Variants in ZNF469 observed in about 807,000 individuals in gnomAD.
The protein encoded by ZNF469 is zinc finger protein 469.
Under a neutral mutation model 1.0 loss-of-function variants are expected in ZNF469, and 1 was observed. The ratio of observed to expected loss-of-function variants is 1.00; its 90% CI spans 0.35 to 4.73. ZNF469 has a LOEUF of 4.73. Ranked by LOEUF, ZNF469 falls within the 30% of genes most tolerant of loss-of-function variation. ZNF469 has a pLI of 0.16. For synonymous variants in ZNF469, 2,703 were observed against 2,363.4 expected (o/e 1.14, Z -4.17); for missense variants, 6,100 against 5,356.3 (o/e 1.14, Z -4.33).
chr16:88,258,765 C>G, the ZNF469 span, among the ~76,000 whole-genome samples: 2 of 152,188 alleles, frequency 1.3e-5, no homozygotes, highest in East Asian at 1.9e-4. Context: ...GCAGCCCCAG[C>G]CTCATGGAAC....
At chr16:88,291,859 C>T in the ZNF469 span, among the ~76,000 whole-genome samples, 2 of 152,172 alleles carry the variant, frequency 1.3e-5, no homozygotes, top group Admixed American at 6.5e-5. Flanking sequence ...GGTCCGTCCT[C>T]CCTGGCGAGC....
chr16:88,273,360 G>A, the ZNF469 span, among the ~76,000 whole-genome samples: 1 of 151,596 alleles, frequency 6.6e-6, no homozygotes, highest in African/African-American at 2.4e-5. Context: ...TTTTTATATA[G>A]AACTTATTTT....
At chr16:88,354,016 C>G in the ZNF469 span, among the ~76,000 whole-genome samples, 1 of 152,322 alleles carries the variant, frequency 6.6e-6, no homozygotes, top group East Asian at 1.9e-4. Context: ...GTGGCTGCCC[C>G]AGCTGGAATG....
the ZNF469 span, among the ~76,000 whole-genome samples, chr16:88,272,678 A>G: frequency 7.8e-4 from 105 of 134,302 alleles, no homozygotes; most frequent in East Asian, 2.4e-3. Flanking sequence ...GGGTGGGTGT[A>G]TGGATAGACG....
At chr16:88,283,791 G>A in the ZNF469 span, among the ~76,000 whole-genome samples, 1 of 151,930 alleles carries the variant, frequency 6.6e-6, no homozygotes, top group Non-Finnish European at 1.5e-5. Context: ...GAGGCTGGTA[G>A]ACCCCCAGTG....
At chr16:88,283,857 C>G in the ZNF469 span, among the ~76,000 whole-genome samples, 1 of 146,732 alleles carries the variant, frequency 6.8e-6, no homozygotes, top group African/African-American at 2.6e-5. Context: ...TCTGCAGAGG[C>G]TGGTAGACCC....
the ZNF469 span, among the ~76,000 whole-genome samples, chr16:88,112,165 G>A: frequency 2.0e-5 from 3 of 151,334 alleles, no homozygotes; most frequent in East Asian, 4.0e-4. Flanking sequence ...CCGGCCAGGC[G>A]CGTTGGCTAA....
At chr16:88,365,917 C>T in the ZNF469 span, among the ~76,000 whole-genome samples, 1 of 152,170 alleles carries the variant, frequency 6.6e-6, no homozygotes, top group African/African-American at 2.4e-5. Context: ...CCTCCTCTAC[C>T]TCTTCCAACC....
At chr16:88,362,913 A>G in the ZNF469 span, among the ~76,000 whole-genome samples, 5 of 152,100 alleles carry the variant, frequency 3.3e-5, no homozygotes, top group Admixed American at 3.3e-4. Flanking sequence ...TTCCATCTTT[A>G]TCTAGGGTTA....
chr16:88,153,460 G>A, the ZNF469 span, among the ~76,000 whole-genome samples: 1 of 152,246 alleles, frequency 6.6e-6, no homozygotes, highest in African/African-American at 2.4e-5. Context: ...GGAAAATAAG[G>A]TAGAATTTAC....
chr16:88,161,331 C>T, the ZNF469 span, among the ~76,000 whole-genome samples: 2 of 152,032 alleles, frequency 1.3e-5, no homozygotes, highest in African/African-American at 2.4e-5. Context: ...TAAACGGCGA[C>T]GATCTATGGG....
the ZNF469 span, among the ~76,000 whole-genome samples, chr16:88,189,323 G>C: frequency 9.2e-5 from 14 of 152,182 alleles, no homozygotes; most frequent in Non-Finnish European, 1.5e-4. This position sits in a 1 kb window ranked among gnomAD's most constrained non-coding sequence, Gnocchi z 4.3. Context: ...GGGAGCAAAG[G>C]TCTGATGGGG....
the ZNF469 span, among the ~76,000 whole-genome samples, chr16:88,271,730 A>G: frequency 2.0e-5 from 3 of 151,498 alleles, no homozygotes; most frequent in African/African-American, 4.9e-5. Flanking sequence ...GTAGGAACTG[A>G]CCATCAAGAA....
the ZNF469 span, among the ~76,000 whole-genome samples, chr16:88,226,162 C>T: frequency 2.0e-5 from 3 of 152,138 alleles, no homozygotes; most frequent in African/African-American, 7.2e-5. Flanking sequence ...AAACGTCTTC[C>T]ACCTTGTTAA....
chr16:88,171,544 C>A, the ZNF469 span, among the ~76,000 whole-genome samples: 2 of 152,228 alleles, frequency 1.3e-5, no homozygotes, highest in Non-Finnish European at 1.5e-5. Flanking sequence ...TTCAGATACA[C>A]ACACATAAAA....
Position 88,430,583 on chromosome 16 carries a change from A to G in ZNF469, c.3113A>G (p.Lys1038Arg). 1 of 1,499,910 alleles carries G rather than the reference A, an allele frequency of 6.7e-7. No individual in the cohort carries two copies. Among genetic ancestry groups the G allele is most frequent in the East Asian group, 2.7e-5 (1 of 36,774 alleles). 92.9% of individuals were successfully genotyped at this position (1,499,910 alleles called of 1,614,324 possible). Residue 1038 changes from lysine to arginine, a missense_variant, in exon 3 of 3, where the codon AAG becomes AGG. Coordinates refer to ENST00000565624, the MANE Select transcript of ZNF469 (RefSeq NM_001367624.2). ...CTGCCCCCCAGGAAGGACCCCAGGA[A>G]GAGGAAGGCTCGGGGCGGCGCCTGG... ...RRLPPRKDPR[K>R]RKARGGAWGK...
At position 88,434,284 on chromosome 16, in the gene ZNF469, C is replaced by T; in HGVS notation, c.6814C>T (p.Pro2272Ser). The change falls in exon 3 of 3, where the codon CCT (proline) becomes TCT (serine). Residue 2272 changes from proline to serine, a missense_variant. Physicochemically the swap from Pro to Ser is moderately conservative, Grantham distance 74. Transcript: ENST00000565624. ...WESPGRATSP[P>S]LAGAVSPSVA... ...GTCTCCTGGCCGAGCCACCTCTCCTCCTCTGGCAGGGGCCGTCTCCCCCAG... is the reference window on the plus strand; with the variant it reads ...GTCTCCTGGCCGAGCCACCTCTCCTTCTCTGGCAGGGGCCGTCTCCCCCAG... 1.3e-6 allele frequency: 2 copies of T among 1,550,392 alleles called. No individual in the cohort carries two copies. The highest frequency in any genetic ancestry group is 1.7e-6 in the Non-Finnish European group (2 of 1,146,974).
chr16:88,111,383 T>G, the ZNF469 span, among the ~76,000 whole-genome samples: 2 of 152,338 alleles, frequency 1.3e-5, no homozygotes, highest in East Asian at 3.9e-4. Flanking sequence ...GCATTTATCC[T>G]TTCTGTTACA....
the ZNF469 span, among the ~76,000 whole-genome samples, chr16:88,353,270 A>C: frequency 2.6e-5 from 4 of 151,980 alleles, no homozygotes; most frequent in Admixed American, 2.0e-4. Context: ...GGCTGGAGGG[A>C]CCCTGGCTCT....
Sources: allele counts gnomAD v4.1 joint callset (sites outside exome capture counted in the v4.1 genomes callset), GRCh38; gene constraint gnomAD v4.1.1; non-coding constraint Gnocchi (gnomAD v3.1); transcripts MANE v1.5; gene names NCBI Gene and HGNC (gene_info 2026-07-23, HGNC 2026-07-21).